Variants in ST7 observed in about 807,000 individuals in gnomAD.
ST7 encodes the protein suppressor of tumorigenicity 7 protein.
A neutral mutation model predicts 78.7 loss-of-function variants in ST7; 28 were observed. The observed-to-expected ratio is 0.36, with a 90% CI of 0.26 to 0.49. The LOEUF (loss-of-function observed/expected upper bound fraction) is 0.49. Among genes scored for constraint, ST7 ranks in the 20% least tolerant of loss-of-function variants. The pLI, the probability that ST7 is intolerant of heterozygous loss-of-function variation, is 0.99. For synonymous variants in ST7, 247 were observed against 249.6 expected, an observed-to-expected ratio of 0.99 and a Z score of 0.10; for missense variants, 418 against 696.0, an observed-to-expected ratio of 0.60 and a Z score of 4.49.
At chr7:117,050,289 A>G (rs1797713021) in intron 1 of ST7, among the ~76,000 whole-genome samples, 1 of 152,198 alleles carries the variant, frequency 6.6e-6, no homozygotes, top group African/African-American at 2.4e-5. Flanking sequence ...TGAGCAATTC[A>G]CTGGAGAGAC....
intron 12 of ST7, among the ~76,000 whole-genome samples, chr7:117,201,409 G>A (rs890506197): frequency 1.3e-5 from 2 of 152,044 alleles, no homozygotes; most frequent in African/African-American, 4.8e-5. Flanking sequence ...CCCCCACCAG[G>A]CTCATTACCT....
At chr7:117,022,555 T>A (rs1322322541) in intron 1 of ST7, among the ~76,000 whole-genome samples, 4 of 152,200 alleles carry the variant, frequency 2.6e-5, no homozygotes, top group Non-Finnish European at 4.4e-5. Context: ...GGAGGCTATT[T>A]TTTAGGTTTG....
intron 1 of ST7, among the ~76,000 whole-genome samples, chr7:117,008,743 T>C (rs1045826390): frequency 2.0e-5 from 3 of 152,158 alleles, no homozygotes; most frequent in Non-Finnish European, 4.4e-5. Flanking sequence ...GTGAGTCTTG[T>C]CAATGGCAGA....
intron 3 of ST7, among the ~76,000 whole-genome samples, 178 bp from the exon 4 acceptor site, chr7:117,129,615 C>T (rs970224820): frequency 3.3e-5 from 5 of 151,818 alleles, no homozygotes; most frequent in Admixed American, 1.3e-4. Context: ...TCCAAAGTCC[C>T]GGAGCCTGAG....
chr7:117,164,232 G>A (rs760922430), intron 9 of ST7, among the ~76,000 whole-genome samples: 5 of 152,154 alleles, frequency 3.3e-5, no homozygotes, highest in South Asian at 2.1e-4. Context: ...GCCAAGAACC[G>A]TTGTCACTGG....
intron 1 of ST7, among the ~76,000 whole-genome samples, chr7:117,099,050 AAAAAAAAAAAAAAAAC>A (rs1801347492): frequency 7.1e-6 from 1 of 141,350 alleles, no homozygotes. Context: ...CTTTCGCAAA[AAAAAAAAAAAAAAAAC>A]AAAAAAAAAA....
chr7:117,068,222 T>G (rs925829747), intron 1 of ST7, among the ~76,000 whole-genome samples: 1 of 152,280 alleles, frequency 6.6e-6, no homozygotes, highest in East Asian at 1.9e-4. Context: ...ATGAATCATA[T>G]ATTTTTCTTT....
At chr7:117,211,693 A>G (rs566548331) in intron 13 of ST7, among the ~76,000 whole-genome samples, 2 of 152,168 alleles carry the variant, frequency 1.3e-5, no homozygotes, top group Non-Finnish European at 2.9e-5. Flanking sequence ...TGGCATCACC[A>G]TAGAAAAAAT....
intron 1 of ST7, among the ~76,000 whole-genome samples, chr7:116,960,178 C>CT (rs375230344): frequency 3.0e-3 from 447 of 148,474 alleles, no homozygotes; most frequent in African/African-American, 8.9e-3. Context: ...CGCTGGGATT[C>CT]TTTTTTTTTT....
At chr7:117,133,635 A>T (rs1804544211) in intron 6 of ST7, among the ~76,000 whole-genome samples, 1 of 151,624 alleles carries the variant, frequency 6.6e-6, no homozygotes, top group Non-Finnish European at 1.5e-5. Flanking sequence ...ATAATTTTAA[A>T]ATAGGGAATA....
At chr7:117,059,203 T>G (rs910108489) in intron 1 of ST7, among the ~76,000 whole-genome samples, 1 of 152,208 alleles carries the variant, frequency 6.6e-6, no homozygotes, top group African/African-American at 2.4e-5. Flanking sequence ...ATTGGATTGT[T>G]TGTAACACAA....
chr7:117,083,670 A>G (rs1464739981), intron 1 of ST7, among the ~76,000 whole-genome samples: 1 of 152,214 alleles, frequency 6.6e-6, no homozygotes, highest in East Asian at 1.9e-4. Context: ...TTAGCACACA[A>G]TATAGAGTTA....
At chr7:117,114,582 G>T (rs1278624862) in intron 2 of ST7, among the ~76,000 whole-genome samples, 1 of 152,142 alleles carries the variant, frequency 6.6e-6, no homozygotes, top group Non-Finnish European at 1.5e-5. Context: ...TTCTTAAGAA[G>T]CACTTAGCCA....
rs1212855610 is a variant in ST7 at position 117,190,776 on chromosome 7, C to T, written c.1152-58C>T. The stretch of plus-strand genomic sequence containing the variant: ...TGGGCCCTAGATGTGTAGATGCTTC[C>T]GGGTTGATGCCCAAGCAGTGGTCCC... On this transcript the variant is annotated intron_variant, in intron 11 of 15. Coordinates refer to ENST00000323984, the MANE Select transcript of ST7 (RefSeq NM_001369598.1). This position sits in a 1 kb window ranked among gnomAD's most constrained non-coding sequence, Gnocchi z 5.2. 36 of 1,433,446 alleles carry T rather than the reference C, an allele frequency of 2.5e-5. No homozygotes were observed. Among genetic ancestry groups the T allele is most frequent in the Admixed American group, 1.2e-4 (7 of 59,152 alleles). 88.8% of individuals were successfully genotyped at this position (1,433,446 alleles called of 1,614,324 possible).
intron 1 of ST7, among the ~76,000 whole-genome samples, chr7:117,066,695 AGATT>A (rs1798651313): frequency 6.8e-6 from 1 of 147,030 alleles, no homozygotes; most frequent in South Asian, 2.2e-4. Context: ...TGGAAGGCAG[AGATT>A]GCAGTGAGCC....
intron 1 of ST7, among the ~76,000 whole-genome samples, chr7:116,975,413 A>C (rs1585074133): frequency 1.3e-5 from 2 of 151,200 alleles, no homozygotes; most frequent in East Asian, 3.9e-4. Context: ...TTTTGAAAAC[A>C]ATTTTTTTTT....
intron 12 of ST7, chr7:117,198,242 T>C: frequency 2.3e-6 from 1 of 429,526 alleles, no homozygotes; most frequent in Non-Finnish European, 4.6e-6. Flanking sequence ...GTGTAATTCA[T>C]TCAGTACCTG....
At chr7:116,963,769 A>G (rs1160569187) in intron 1 of ST7, among the ~76,000 whole-genome samples, 1 of 151,544 alleles carries the variant, frequency 6.6e-6, no homozygotes, top group Non-Finnish European at 1.5e-5. Flanking sequence ...AGTAGCTGGG[A>G]CTACAGGTGC....
At chr7:117,201,758 A>G (rs2115899935) in intron 12 of ST7, among the ~76,000 whole-genome samples, 1 of 151,678 alleles carries the variant, frequency 6.6e-6, no homozygotes, top group South Asian at 2.1e-4. Context: ...TGGCCTCCCA[A>G]AGTGCTGGGA....
Sources: allele counts gnomAD v4.1 joint callset (sites outside exome capture counted in the v4.1 genomes callset), GRCh38; gene constraint gnomAD v4.1.1; non-coding constraint Gnocchi (gnomAD v3.1); transcripts MANE v1.5; gene names NCBI Gene and HGNC (gene_info 2026-07-23, HGNC 2026-07-21).